The following SLC8A1 variants were observed in gnomAD, a reference collection of about 807,000 sequenced individuals.
The protein encoded by SLC8A1 is sodium/calcium exchanger 1.
In SLC8A1, 18 loss-of-function variants were observed where a neutral mutation model predicts 68.3. The ratio of observed to expected loss-of-function variants is 0.26; its 90% CI spans 0.18 to 0.39. SLC8A1 has a LOEUF of 0.39. Among genes scored for constraint, SLC8A1 ranks in the 10% least tolerant of loss-of-function variants. The pLI is 1.00. For synonymous variants in SLC8A1, 475 were observed against 415.5 expected, an observed-to-expected ratio of 1.14 and a Z score of -1.74; for missense variants, 985 against 1,156.7, an observed-to-expected ratio of 0.85 and a Z score of 2.15.
chr2:40,308,645 G>GA (rs5830619), intron 2 of SLC8A1, among the ~76,000 whole-genome samples: 75,655 of 151,034 alleles, frequency 0.5, 21,230 homozygotes, highest in African/African-American at 0.75. Flanking sequence ...TTCTCTGTTG[G>GA]AAAAAAAAAT....
intron 1 of SLC8A1, among the ~76,000 whole-genome samples, chr2:40,509,820 G>GT (rs34887820): frequency 0.42 from 63,136 of 150,758 alleles, 13,566 homozygotes; most frequent in African/African-American, 0.49. Context: ...CCTTTTTTTT[G>GT]TTTTTTTTCC....
At chr2:40,203,663 G>C (rs1337383355) in intron 2 of SLC8A1, among the ~76,000 whole-genome samples, 8 of 151,974 alleles carry the variant, frequency 5.3e-5, no homozygotes, top group Non-Finnish European at 1.2e-4. Flanking sequence ...GCTGCTAAAG[G>C]TTGGGGGGAT....
intron 2 of SLC8A1, among the ~76,000 whole-genome samples, chr2:40,289,649 G>C (rs2068934660): frequency 6.6e-6 from 1 of 151,952 alleles, no homozygotes; most frequent in Admixed American, 6.6e-5. Context: ...TCAGGAGTTG[G>C]AGACCAGCCT....
At chr2:40,122,073 T>C (rs925146508) in intron 7 of SLC8A1, among the ~76,000 whole-genome samples, 1 of 152,084 alleles carries the variant, frequency 6.6e-6, no homozygotes, top group Non-Finnish European at 1.5e-5. Context: ...AAAAGAGAAA[T>C]AGTGTTTACT....
At chr2:40,409,135 C>T (rs549288760) in intron 2 of SLC8A1, among the ~76,000 whole-genome samples, 1 of 152,252 alleles carries the variant, frequency 6.6e-6, no homozygotes, top group East Asian at 1.9e-4. Flanking sequence ...GACAAGAATA[C>T]AAGGTCCTTT....
intron 2 of SLC8A1, among the ~76,000 whole-genome samples, chr2:40,354,308 C>T (rs1238552127): frequency 3.3e-5 from 5 of 152,142 alleles, no homozygotes; most frequent in African/African-American, 1.2e-4. Context: ...TGTTTAAGGG[C>T]CATCTGTATT....
At chr2:40,381,669 A>C (rs1041589676) in intron 2 of SLC8A1, among the ~76,000 whole-genome samples, 2 of 151,908 alleles carry the variant, frequency 1.3e-5, no homozygotes, top group African/African-American at 2.4e-5. Flanking sequence ...TTAAATAAAC[A>C]TAGAAGTTGA....
At chr2:40,360,273 G>A (rs1319409953) in intron 2 of SLC8A1, among the ~76,000 whole-genome samples, 1 of 152,128 alleles carries the variant, frequency 6.6e-6, no homozygotes. Context: ...CTCCCAAGAG[G>A]TAGAGCCAAG....
intron 6 of SLC8A1, among the ~76,000 whole-genome samples, chr2:40,160,249 C>G (rs915895943): frequency 6.6e-6 from 1 of 152,170 alleles, no homozygotes; most frequent in Non-Finnish European, 1.5e-5. Context: ...AAACTCTGTA[C>G]TTTGCTTGTG....
At chr2:40,387,872 G>A (rs962695672) in intron 2 of SLC8A1, among the ~76,000 whole-genome samples, 1 of 149,974 alleles carries the variant, frequency 6.7e-6, no homozygotes, top group Non-Finnish European at 1.5e-5. Flanking sequence ...GGGAGGTGGA[G>A]GCTGCAGTGA....
At chr2:40,227,044 G>A (rs982040878) in intron 2 of SLC8A1, among the ~76,000 whole-genome samples, 1 of 151,944 alleles carries the variant, frequency 6.6e-6, no homozygotes, top group African/African-American at 2.4e-5. Flanking sequence ...ATGGGGTAGT[G>A]GACAGTAATA....
intron 2 of SLC8A1, among the ~76,000 whole-genome samples, chr2:40,371,687 A>G (rs1204366968): frequency 6.6e-6 from 1 of 152,146 alleles, no homozygotes; most frequent in Non-Finnish European, 1.5e-5. Flanking sequence ...CATATGTTTA[A>G]AGAGGAAACA....
At chr2:40,119,133 A>G (rs1238259642) in intron 7 of SLC8A1, among the ~76,000 whole-genome samples, 1 of 152,174 alleles carries the variant, frequency 6.6e-6, no homozygotes. Flanking sequence ...TGAATGTTGC[A>G]TAAGGATTCT....
intron 2 of SLC8A1, chr2:40,250,600 T>A (rs2062584438): frequency 6.6e-6 from 1 of 152,220 alleles, no homozygotes; most frequent in South Asian, 2.1e-4. Flanking sequence ...TTCGAGTTAT[T>A]CTTTTCAATA....
At chr2:40,350,293 G>C (rs1670652815) in intron 2 of SLC8A1, among the ~76,000 whole-genome samples, 1 of 151,978 alleles carries the variant, frequency 6.6e-6, no homozygotes, top group Non-Finnish European at 1.5e-5. Flanking sequence ...ACCAACCTGG[G>C]CAGCAAATGG....
chr2:40,408,668 G>A (rs1258465818), intron 2 of SLC8A1, among the ~76,000 whole-genome samples: 1 of 152,200 alleles, frequency 6.6e-6, no homozygotes, highest in Non-Finnish European at 1.5e-5. Context: ...TTTCTACACA[G>A]AGAAGCATGC....
chr2:40,497,880 C>T (rs1705810644), intron 1 of SLC8A1, among the ~76,000 whole-genome samples: 1 of 151,962 alleles, frequency 6.6e-6, no homozygotes, highest in Middle Eastern at 3.2e-3. Context: ...TTTAGCAAAT[C>T]ACTTTGGCAA....
exon 8 of SLC8A1, chr2:40,108,872 G>A (rs2034387954): frequency 6.6e-6 from 1 of 152,066 alleles, no homozygotes; most frequent in Non-Finnish European, 1.5e-5. Context: ...TTCATCTCTT[G>A]TTTTACTATG....
intron 2 of SLC8A1, among the ~76,000 whole-genome samples, chr2:40,373,417 C>T (rs1253069875): frequency 1.3e-5 from 2 of 151,988 alleles, no homozygotes; most frequent in African/African-American, 2.4e-5. Context: ...TAATTCAATG[C>T]CGATATGAAT....
Sources: allele counts gnomAD v4.1 joint callset (sites outside exome capture counted in the v4.1 genomes callset), GRCh38; gene constraint gnomAD v4.1.1; transcripts MANE v1.5; gene names NCBI Gene and HGNC (gene_info 2026-07-23, HGNC 2026-07-21).